Variants in NBEA observed in about 807,000 individuals in gnomAD.
NBEA encodes the protein neurobeachin, also known as lysosomal-trafficking regulator 2.
In NBEA, 44 loss-of-function variants were observed where a neutral mutation model predicts 343.4. The observed-to-expected ratio is 0.13, with a 90% confidence interval of 0.10 to 0.16. The LOEUF is 0.16. Ranked by LOEUF, NBEA falls within the 10% of genes least tolerant of loss-of-function variation. The pLI, the probability that NBEA is intolerant of heterozygous loss-of-function variation, is 1.00. For synonymous variants in NBEA, 1,175 were observed against 1,238.7 expected, an observed-to-expected ratio of 0.95 and a Z score of 1.08; for missense variants, 2,555 against 3,631.3, an observed-to-expected ratio of 0.70 and a Z score of 7.62.
At chr13:35,071,438 C>T (rs1325241207) in intron 10 of NBEA, among the ~76,000 whole-genome samples, 4 of 151,702 alleles carry the variant, frequency 2.6e-5, no homozygotes, top group Admixed American at 2.0e-4. Flanking sequence ...ATTTCATGTA[C>T]ATTTTTATAG....
intron 36 of NBEA, among the ~76,000 whole-genome samples, chr13:35,348,379 G>A (rs2039999806): frequency 6.6e-6 from 1 of 151,996 alleles, no homozygotes; most frequent in African/African-American, 2.4e-5. Context: ...ACACACCCAG[G>A]CATAACAGTG....
At chr13:35,652,546 G>T (rs1292673087) in intron 53 of NBEA, among the ~76,000 whole-genome samples, 1 of 149,550 alleles carries the variant, frequency 6.7e-6, no homozygotes, top group South Asian at 2.1e-4. Context: ...GAGGCTGAGG[G>T]AGGAGAATGG....
intron 36 of NBEA, among the ~76,000 whole-genome samples, chr13:35,328,419 G>A (rs1020853396): frequency 5.3e-5 from 8 of 151,780 alleles, no homozygotes; most frequent in Admixed American, 2.0e-4. Flanking sequence ...TAGAAAGAAG[G>A]AATAATGCCT....
At chr13:35,635,531 C>A (rs2083656325) in intron 49 of NBEA, among the ~76,000 whole-genome samples, 1 of 152,106 alleles carries the variant, frequency 6.6e-6, no homozygotes, top group African/African-American at 2.4e-5. Flanking sequence ...GGAAAGAAAA[C>A]CCCTACATTT....
intron 45 of NBEA, among the ~76,000 whole-genome samples, chr13:35,569,976 T>C (rs2080318607): frequency 6.6e-6 from 1 of 152,238 alleles, no homozygotes; most frequent in African/African-American, 2.4e-5. Context: ...AAGTCACTGT[T>C]TCTACAGTAA....
chr13:35,004,963 TATG>T (rs1186910091), intron 1 of NBEA, among the ~76,000 whole-genome samples: 16 of 152,316 alleles, frequency 1.1e-4, no homozygotes, highest in African/African-American at 3.8e-4. Context: ...TTTAATGTTT[TATG>T]ATGACAGTAT....
chr13:35,319,817 G>A (rs1194800600), intron 36 of NBEA, among the ~76,000 whole-genome samples: 1 of 152,000 alleles, frequency 6.6e-6, no homozygotes, highest in Admixed American at 6.6e-5. Flanking sequence ...AGCTTTTCTT[G>A]TTGCATTGAT....
intron 4 of NBEA, 50 bp downstream of exon 4, chr13:35,045,451 C>A (rs73491592): frequency 0.084 from 118,084 of 1,399,954 alleles, 5,442 homozygotes; most frequent in South Asian, 0.11. Context: ...TTTTAGGTCA[C>A]CTTTAGTAAG....
At chr13:35,579,612 T>A (rs1270153283) in intron 45 of NBEA, among the ~76,000 whole-genome samples, 2 of 152,154 alleles carry the variant, frequency 1.3e-5, no homozygotes, top group African/African-American at 4.8e-5. Context: ...GTATTGCATC[T>A]AAACAGTTGT....
chr13:35,283,977 TG>T (rs1422057250), intron 34 of NBEA, among the ~76,000 whole-genome samples: 1 of 92,410 alleles, frequency 1.1e-5, no homozygotes, highest in Non-Finnish European at 2.3e-5. Flanking sequence ...CTCATGCACA[TG>T]TGTACACAGA....
intron 38 of NBEA, among the ~76,000 whole-genome samples, chr13:35,359,031 AT>A (rs2040659280): frequency 6.6e-6 from 1 of 152,190 alleles, no homozygotes; most frequent in South Asian, 2.1e-4. Context: ...AGGCTGGAGA[AT>A]AACATGAGCC....
chr13:35,139,156 G>A (rs1223745266), intron 17 of NBEA, among the ~76,000 whole-genome samples: 2 of 138,470 alleles, frequency 1.4e-5, no homozygotes, highest in Non-Finnish European at 3.0e-5. Context: ...CGCCTCCCAT[G>A]CTCAATTGAC....
intron 6 of NBEA, among the ~76,000 whole-genome samples, chr13:35,051,278 A>G (rs935347327): frequency 7.2e-5 from 11 of 152,036 alleles, no homozygotes; most frequent in African/African-American, 2.4e-4. Context: ...TCCTCCTAAC[A>G]GAAATATTGC....
intron 41 of NBEA, among the ~76,000 whole-genome samples, chr13:35,538,603 A>G (rs2322667): frequency 0.92 from 139,914 of 152,274 alleles, 64,606 homozygotes; most frequent in East Asian, 1. Flanking sequence ...CAGTCAATGC[A>G]GGCTTTCAGT....
chr13:35,325,353 ATAT>A (rs1278758883), intron 36 of NBEA, among the ~76,000 whole-genome samples: 1 of 151,996 alleles, frequency 6.6e-6, no homozygotes, highest in East Asian at 1.9e-4. Flanking sequence ...TGTATACAAG[ATAT>A]ATAAGATGTT....
chr13:35,296,927 G>T (rs1389357273), intron 35 of NBEA, among the ~76,000 whole-genome samples: 1 of 151,016 alleles, frequency 6.6e-6, no homozygotes, highest in Non-Finnish European at 1.5e-5. Flanking sequence ...TTTTTTCTGT[G>T]GTTTCGTTGT....
chr13:35,456,999 TATATAG>T (rs1185779385), intron 40 of NBEA, among the ~76,000 whole-genome samples: 2 of 150,910 alleles, frequency 1.3e-5, no homozygotes, highest in East Asian at 1.9e-4. Flanking sequence ...TATATATAGA[TATATAG>T]ATATAGATAT....
chr13:35,313,332 G>A (rs1439695911), intron 36 of NBEA, among the ~76,000 whole-genome samples: 1 of 152,018 alleles, frequency 6.6e-6, no homozygotes, highest in Non-Finnish European at 1.5e-5. Context: ...TTTTCCTTAA[G>A]ATCTTGTGTC....
chr13:35,038,672 C>G (rs1370600975), intron 1 of NBEA, among the ~76,000 whole-genome samples: 2 of 152,062 alleles, frequency 1.3e-5, no homozygotes, highest in African/African-American at 4.8e-5. Flanking sequence ...AGAGCTAGAG[C>G]CTGGAACAAG....
Sources: allele counts gnomAD v4.1 joint callset (sites outside exome capture counted in the v4.1 genomes callset), GRCh38; gene constraint gnomAD v4.1.1; transcripts MANE v1.5; gene names NCBI Gene and HGNC (gene_info 2026-07-23, HGNC 2026-07-21).